MTMR10: variants seen among roughly 807,000 people sequenced by gnomAD.
MTMR10 encodes the protein myotubularin related protein 10.
A neutral mutation model predicts 88.1 loss-of-function variants in MTMR10; 56 were observed. The observed-to-expected ratio is 0.64, with a 90% CI of 0.51 to 0.79. The LOEUF (loss-of-function observed/expected upper bound fraction) is 0.79. Ranked by LOEUF, MTMR10 falls within the 30% of genes least tolerant of loss-of-function variation. The probability of loss-of-function intolerance (pLI) is 0.00; values close to 1 mark genes in which losing one functional copy is unlikely to be tolerated. For missense variants in MTMR10, 883 were observed against 924.7 expected, an observed-to-expected ratio of 0.95 and a Z score of 0.58; for synonymous variants, 380 against 340.9, an observed-to-expected ratio of 1.11 and a Z score of -1.26.
chr15:30,961,171 G>C, intron 6 of MTMR10, 98 bp from the exon 7 acceptor site: 1 of 1,403,428 alleles, frequency 7.1e-7, no homozygotes, highest in Non-Finnish European at 9.4e-7. Context: ...CTGATGTGCT[G>C]TCTCTAACCT....
chr15:30,951,292 T>C (rs1041180244), intron 12 of MTMR10, among the ~76,000 whole-genome samples: 2 of 152,188 alleles, frequency 1.3e-5, no homozygotes, highest in African/African-American at 4.8e-5. Flanking sequence ...AGTCATAATC[T>C]AGCATGAGCC....
At chr15:30,946,670 C>T in intron 14 of MTMR10, 1 of 693,998 alleles carries the variant, frequency 1.4e-6, no homozygotes, top group Non-Finnish European at 2.6e-6. Flanking sequence ...TCAAGTTTGG[C>T]TTGAGACCCT....
intron 6 of MTMR10, among the ~76,000 whole-genome samples, chr15:30,962,870 TAAAG>T (rs1458134519): frequency 8.5e-5 from 13 of 152,146 alleles, no homozygotes; most frequent in Middle Eastern, 6.8e-3. Context: ...TGACCACAAC[TAAAG>T]AGAGTTCTAA....
intron 14 of MTMR10, chr15:30,946,746 AATCTTGTTTTGTACAACTTTTT>A: frequency 2.8e-6 from 2 of 703,048 alleles, no homozygotes; most frequent in Non-Finnish European, 5.2e-6. Context: ...GAAGGAAAAT[AATCTTGTTTTGTACAACTTTTT>A]ATCCTACTGA....
intron 5 of MTMR10, among the ~76,000 whole-genome samples, chr15:30,970,379 C>T (rs2949576): frequency 0.7 from 106,199 of 151,944 alleles, 38,211 homozygotes; most frequent in East Asian, 0.87. Context: ...TGAAGTGTTA[C>T]AGTGAGAAGA....
downstream of MTMR10, among the ~76,000 whole-genome samples, chr15:30,937,794 A>G (rs1246602871): frequency 6.6e-6 from 1 of 151,862 alleles, no homozygotes; most frequent in Non-Finnish European, 1.5e-5. Flanking sequence ...AATTTTGTTG[A>G]CCATTATTGG....
chr15:30,925,748 C>T, the MTMR10 span: 2 of 1,608,546 alleles, frequency 1.2e-6, no homozygotes, highest in Admixed American at 3.3e-5. Flanking sequence ...GGGACTTTTG[C>T]TGACCTGAGG....
chr15:30,954,096 G>T (rs1420204509), intron 10 of MTMR10, among the ~76,000 whole-genome samples: 3 of 152,262 alleles, frequency 2.0e-5, no homozygotes, highest in Admixed American at 6.5e-5. Flanking sequence ...ATGAGGACAG[G>T]CATCCTCACT....
intron 9 of MTMR10, among the ~76,000 whole-genome samples, chr15:30,958,588 A>G (rs1377951052): frequency 6.6e-6 from 1 of 152,228 alleles, no homozygotes; most frequent in African/African-American, 2.4e-5. Context: ...CTGCACTTTG[A>G]AAGTATGTTA....
chr15:30,943,071 T>G lies in MTMR10; in HGVS notation c.1550A>C (p.Glu517Ala). The G allele has an allele frequency of 6.6e-7, 1 of 1,525,234 alleles. No individual in the cohort carries two copies. Among genetic ancestry groups the G allele is most frequent in the Non-Finnish European group, 8.8e-7 (1 of 1,139,846 alleles). The allele number at this position is 1,525,234 out of a possible 1,614,324, so 94.5% of individuals were successfully genotyped here. The change falls in exon 15 of 16, where the codon GAA (glutamate) becomes GCA (alanine). Residue 517 changes from glutamate to alanine, a missense_variant and splice_region_variant. Glu to Ala is a moderately radical substitution (Grantham distance 107, BLOSUM62 -1). Coordinates refer to ENST00000435680, the MANE Select transcript of MTMR10 (RefSeq NM_017762.3). ...SPHQRVKQST[E>A]FAISKNIQLG... ...TTGGATGTTTTTGCTTATAGCAAAT[T>G]CCTGCAAAATAAATAAATAAATATT...
At chr15:30,929,259 T>G in the MTMR10 span, 4 of 1,613,474 alleles carry the variant, frequency 2.5e-6, no homozygotes, top group Non-Finnish European at 3.4e-6. Context: ...GCCCAGCCCT[T>G]GAGGCCAGGC....
intron 12 of MTMR10, 49 bp downstream of exon 12, chr15:30,951,919 G>A: frequency 6.6e-7 from 1 of 1,510,700 alleles, no homozygotes; most frequent in South Asian, 1.1e-5. Flanking sequence ...AGTAAACCAA[G>A]GCTGGCTGGT....
the MTMR10 span, chr15:30,922,413 T>C: frequency 2.0e-6 from 3 of 1,518,388 alleles, no homozygotes; most frequent in South Asian, 2.4e-5. Flanking sequence ...ACTTTTAAAA[T>C]ATGGCAAACT....
chr15:30,929,671 A>G, the MTMR10 span, among the ~76,000 whole-genome samples: 1 of 67,674 alleles, frequency 1.5e-5, no homozygotes, highest in Non-Finnish European at 3.0e-5. Flanking sequence ...TGAAATATAT[A>G]ATATATCATA....
chr15:30,976,850 G>C lies in MTMR10; in HGVS notation c.227C>G (p.Ser76Cys). 6.2e-7 allele frequency: 1 copy of C among 1,613,830 alleles called. No individual in the cohort carries two copies. Among genetic ancestry groups the C allele is most frequent in the Non-Finnish European group, 8.5e-7 (1 of 1,179,812 alleles). Residue 76 changes from serine (S) to cysteine (C), a missense_variant, in exon 3 of 16, where the codon TCC becomes TGC. By Grantham distance (112) the Ser-to-Cys change is moderately radical. Around this residue, in one of 3 missense-constraint regions of MTMR10, gnomAD observed 414 missense variants for 423.2 expected, o/e 0.98. Transcript: ENST00000435680. The stretch of plus-strand genomic sequence containing the variant: ...TGGCATTGGGTCATCTGTAATAAAG[G>C]AGATTTTGAAGTTACTGCATATCAG... ...GKLICSNFKI[S>C]FITDDPMPLQ...
At chr15:30,929,765 A>AATAT in the MTMR10 span, among the ~76,000 whole-genome samples, 1 of 42,398 alleles carries the variant, frequency 2.4e-5, no homozygotes, top group African/African-American at 1.2e-4. Flanking sequence ...ATAATATATA[A>AATAT]AATATATAAT....
downstream of MTMR10, among the ~76,000 whole-genome samples, chr15:30,936,284 A>G (rs1438438769): frequency 6.6e-6 from 1 of 152,148 alleles, no homozygotes; most frequent in Non-Finnish European, 1.5e-5. Context: ...GTTTAAGCTG[A>G]GCATTGAAAG....
rs36025105 is a variant in MTMR10 at position 30,944,565 on chromosome 15, CA to C, written c.1549-1494del. 3.9e-3 allele frequency among the ~76,000 whole-genome samples: 352 copies of C among 90,432 alleles called. 1 individual carries two copies. Among genetic ancestry groups the C allele is most frequent in the Middle Eastern group, 0.013 (2 of 160 alleles). The allele number at this position is 90,432 out of a possible 152,430, so 59.3% of individuals were successfully genotyped here. A position where few individuals can be genotyped will look rare whatever the true frequency, so the allele number is the denominator to read the frequency against. ...TGGGTGATAGAGCAAGACTCTGTCT[CA>C]AAAAAAAAAAAAAAAAAATTTTAGT... On this transcript the variant is annotated intron_variant, in intron 14 of 15. Coordinates refer to ENST00000435680, the MANE Select transcript of MTMR10 (RefSeq NM_017762.3).
chr15:30,944,039 A>G (rs1408412480), intron 14 of MTMR10: 1 of 978,486 alleles, frequency 1.0e-6, no homozygotes, highest in Non-Finnish European at 1.2e-6. Context: ...AACCCCCAAG[A>G]ATTTATTTGG....
Sources: gnomAD v4.1 joint callset for allele counts (sites outside exome capture counted in the v4.1 genomes callset) on GRCh38, gnomAD v4.1.1 for gene constraint, gnomAD v4.1.1 regional missense constraint, MANE v1.5 for transcripts, NCBI Gene and HGNC (gene_info 2026-07-23, HGNC 2026-07-21) for gene names.